LAMA2: variants seen among roughly 807,000 people sequenced by gnomAD.
The protein encoded by LAMA2 is laminin subunit alpha-2.
In LAMA2, 269 loss-of-function variants were observed where a neutral mutation model predicts 364.8. That is an observed-to-expected ratio of 0.74 (90% CI 0.67 to 0.82). LAMA2 has a LOEUF of 0.82. Ranked by LOEUF, LAMA2 falls within the 40% of genes least tolerant of loss-of-function variation. LAMA2 has a pLI of 0.00. For missense variants in LAMA2, 3,807 were observed against 3,873.2 expected (o/e 0.98, Z 0.45); for synonymous variants, 1,379 against 1,370.6 (o/e 1.01, Z -0.14).
Position 129,403,978 on chromosome 6 carries a change from AT to A in LAMA2, c.5865+20del, listed in dbSNP as rs1305814064. 1.9e-6 allele frequency: 3 copies of A among 1,613,474 alleles called. No homozygotes were observed. Among genetic ancestry groups the A allele is most frequent in the African/African-American group, 2.7e-5 (2 of 74,924 alleles). On this transcript the variant is annotated intron_variant, in intron 40 of 64. Coordinates refer to ENST00000421865, the MANE Select transcript of LAMA2 (RefSeq NM_000426.4). ...AAAACTGGTAAGAAACAAATGGCAC[AT>A]GTGCTGGGAATGGAAGTCAACCTTT...
At chr6:129,386,893 A>G (rs1265163117) in intron 35 of LAMA2, among the ~76,000 whole-genome samples, 3 of 152,168 alleles carry the variant, frequency 2.0e-5, no homozygotes, top group Non-Finnish European at 4.4e-5. Context: ...TTTTTACATA[A>G]CATGGGTTGC....
chr6:129,247,067 A>G (rs1785801041), intron 12 of LAMA2, among the ~76,000 whole-genome samples: 1 of 152,156 alleles, frequency 6.6e-6, no homozygotes, highest in African/African-American at 2.4e-5. Flanking sequence ...GGAAAAATAG[A>G]AGGAAAGAAA....
intron 14 of LAMA2, among the ~76,000 whole-genome samples, chr6:129,255,507 A>G (rs1367803841): frequency 6.6e-6 from 1 of 150,816 alleles, no homozygotes; most frequent in African/African-American, 2.4e-5. Flanking sequence ...AGGATTTTAC[A>G]TGAGTAAGCC....
chr6:129,267,297 C>G, intron 16 of LAMA2, 78 bp downstream of exon 16: 2 of 959,630 alleles, frequency 2.1e-6, no homozygotes, highest in South Asian at 1.3e-5. Context: ...CAGCTACTAC[C>G]CTGGGGACCT....
chr6:129,510,194 T>A (rs935669757), intron 62 of LAMA2, among the ~76,000 whole-genome samples: 2 of 152,156 alleles, frequency 1.3e-5, no homozygotes, highest in African/African-American at 2.4e-5. Context: ...GCAAATGATA[T>A]GATTTTGTAT....
At chr6:129,084,903 A>G (rs1219574228) in intron 3 of LAMA2, among the ~76,000 whole-genome samples, 2 of 152,178 alleles carry the variant, frequency 1.3e-5, no homozygotes, top group African/African-American at 2.4e-5. Context: ...GTTTACACAT[A>G]TGTTCATAGT....
chr6:129,138,784 A>G (rs1025523812), intron 4 of LAMA2, among the ~76,000 whole-genome samples: 8 of 152,126 alleles, frequency 5.3e-5, no homozygotes, highest in African/African-American at 1.9e-4. Context: ...AAAGATGATA[A>G]TACACTTAGT....
chr6:128,954,332 A>G (rs1053248214), intron 1 of LAMA2, among the ~76,000 whole-genome samples: 5 of 152,112 alleles, frequency 3.3e-5, no homozygotes, highest in African/African-American at 4.8e-5. Flanking sequence ...TAGTCCCACT[A>G]GCACACCATT....
chr6:129,226,697 A>G (rs1583293682), intron 12 of LAMA2, among the ~76,000 whole-genome samples: 1 of 151,990 alleles, frequency 6.6e-6, no homozygotes, highest in Non-Finnish European at 1.5e-5. Flanking sequence ...CTGCCGAGCG[A>G]TCTGCTGTTA....
At chr6:129,069,097 G>T (rs9482978) in intron 3 of LAMA2, among the ~76,000 whole-genome samples, 31,016 of 151,846 alleles carry the variant, frequency 0.2, 4,516 homozygotes, top group African/African-American at 0.41. Context: ...GAATAAATTA[G>T]ATGATTGTTT....
intron 3 of LAMA2, among the ~76,000 whole-genome samples, chr6:129,094,341 G>A (rs894439427): frequency 2.0e-5 from 3 of 152,194 alleles, no homozygotes; most frequent in Non-Finnish European, 4.4e-5. Flanking sequence ...AAATGAAAGA[G>A]GGATATTGTT....
chr6:129,006,925 T>C (rs1784475609), intron 1 of LAMA2, among the ~76,000 whole-genome samples: 1 of 152,128 alleles, frequency 6.6e-6, no homozygotes, highest in Non-Finnish European at 1.5e-5. Flanking sequence ...CTCCTAAACC[T>C]CACCATATTT....
chr6:129,303,760 C>A (rs1773689639), intron 22 of LAMA2, among the ~76,000 whole-genome samples: 1 of 152,130 alleles, frequency 6.6e-6, no homozygotes, highest in Non-Finnish European at 1.5e-5. Context: ...TCAGATTAAT[C>A]CTGCTTGGCC....
At chr6:129,154,151 C>T (rs1276462706) in intron 7 of LAMA2, among the ~76,000 whole-genome samples, 10 of 152,130 alleles carry the variant, frequency 6.6e-5, no homozygotes, top group South Asian at 6.2e-4. Flanking sequence ...CAGTGGCTCA[C>T]GCCTGTAATT....
At chr6:129,219,123 A>G (rs1236702075) in intron 12 of LAMA2, among the ~76,000 whole-genome samples, 1 of 152,202 alleles carries the variant, frequency 6.6e-6, no homozygotes, top group Non-Finnish European at 1.5e-5. Context: ...AGAACCCAGG[A>G]AGTATGTGAT....
intron 53 of LAMA2, among the ~76,000 whole-genome samples, chr6:129,477,798 T>TA (rs1784146521): frequency 1.3e-5 from 2 of 152,202 alleles, no homozygotes; most frequent in African/African-American, 4.8e-5. Flanking sequence ...ATTTTTTTAT[T>TA]TTGAGACAGG....
chr6:129,252,030 T>C (rs1786290644), intron 13 of LAMA2, 54 bp from the exon 14 acceptor site: 1 of 1,208,594 alleles, frequency 8.3e-7, no homozygotes, highest in Non-Finnish European at 1.2e-6. Context: ...TTTGACACTT[T>C]TGTACCCTCT....
At chr6:129,391,321 C>A (rs1250697296) in intron 35 of LAMA2, among the ~76,000 whole-genome samples, 170 bp from the exon 36 acceptor site, 2 of 152,230 alleles carry the variant, frequency 1.3e-5, no homozygotes, top group East Asian at 1.9e-4. Context: ...TATTACATTT[C>A]CCTGTTTGTT....
At chr6:129,469,307 A>T (rs773400902) in intron 51 of LAMA2, among the ~76,000 whole-genome samples, 9 of 151,956 alleles carry the variant, frequency 5.9e-5, no homozygotes, top group African/African-American at 2.2e-4. Context: ...ATTGGATTCA[A>T]TAATAGTCTA....
Sources: gnomAD v4.1 joint callset for allele counts (sites outside exome capture counted in the v4.1 genomes callset) on GRCh38, gnomAD v4.1.1 for gene constraint, MANE v1.5 for transcripts, NCBI Gene and HGNC (gene_info 2026-07-23, HGNC 2026-07-21) for gene names.